The following TANC1 variants were observed in gnomAD, a reference collection of about 807,000 sequenced individuals.
The protein encoded by TANC1 is tetratricopeptide repeat, ankyrin repeat and coiled-coil containing 1.
A neutral mutation model predicts 149.7 loss-of-function variants in TANC1; 77 were observed. The observed-to-expected ratio is 0.51, with a 90% confidence interval of 0.43 to 0.62. TANC1 has a LOEUF of 0.62. TANC1 is among the 20% of genes least tolerant of loss of function. The pLI is 0.00. For missense variants in TANC1, 1,985 were observed against 2,321.8 expected, an observed-to-expected ratio of 0.85 and a Z score of 2.98; for synonymous variants, 854 against 925.0, an observed-to-expected ratio of 0.92 and a Z score of 1.39.
intron 4 of TANC1, among the ~76,000 whole-genome samples, chr2:159,098,981 G>C (rs945200948): frequency 3.9e-5 from 6 of 152,010 alleles, no homozygotes; most frequent in Non-Finnish European, 5.9e-5. Context: ...AATGGTATCT[G>C]TTTCTCTGAT....
In TANC1 at chr2:159,135,653, C is replaced by G. The variant is rs763192606; in HGVS notation, c.260-541C>G. On this transcript the variant is annotated intron_variant, in intron 4 of 26. Transcript: ENST00000263635. ...TGCTGTGCCCCGCACAGTTACTGTGCGTCACCAGCCAGATAAGATGCCTGT... is the reference window on the plus strand; with the variant it reads ...TGCTGTGCCCCGCACAGTTACTGTGGGTCACCAGCCAGATAAGATGCCTGT... Among the ~76,000 whole-genome samples, 3 of 152,352 alleles carry G rather than the reference C, an allele frequency of 2.0e-5. No homozygotes were observed. In the South Asian group the frequency reaches 6.2e-4, roughly 32 times the overall value.
chr2:159,050,336 C>A (rs2041378204), intron 2 of TANC1, among the ~76,000 whole-genome samples: 1 of 152,194 alleles, frequency 6.6e-6, no homozygotes, highest in African/African-American at 2.4e-5. Context: ...ATTCTCCTAC[C>A]TTGGCCTCCC....
At position 159,097,631 on chromosome 2, in the gene TANC1, C is replaced by T; in HGVS notation, c.62-6C>T. 6.2e-7 allele frequency: 1 copy of T among 1,610,220 alleles called. No homozygotes were observed. Among genetic ancestry groups the T allele is most frequent in the Non-Finnish European group, 8.5e-7 (1 of 1,176,548 alleles). Reference sequence around the variant, plus strand: ...GTTTAACCTAAGTATTCTCTCTCTACTCTAGGAAGTGACTTTGGTCCAGAG... The same window carrying T: ...GTTTAACCTAAGTATTCTCTCTCTATTCTAGGAAGTGACTTTGGTCCAGAG... On this transcript the variant is annotated splice_polypyrimidine_tract_variant and splice_region_variant and intron_variant, in intron 3 of 26. Transcript: ENST00000263635.
intron 23 of TANC1, chr2:159,225,295 G>A (rs901336379): frequency 7.7e-6 from 2 of 261,214 alleles, no homozygotes; most frequent in South Asian, 4.7e-5. Flanking sequence ...ATGACATCTC[G>A]GAGTACAGCA....
rs189732447 is a variant in TANC1, at chr2:159,081,127, C to T, written c.61+15156C>T. Among the ~76,000 whole-genome samples, 237 of 152,232 alleles carry T rather than the reference C, an allele frequency of 1.6e-3. 2 individuals carry two copies. Among genetic ancestry groups the T allele is most frequent in the African/African-American group, 5.5e-3 (227 of 41,534 alleles). ...TAACTGTATAAAGCCAGGCATTGCC[C>T]GTGAGCAGAGCTGGAACCAGAGCTT... On this transcript the variant is annotated intron_variant, in intron 3 of 26. Transcript: ENST00000263635.
chr2:159,135,010 T>C (rs1383197068), intron 4 of TANC1, among the ~76,000 whole-genome samples: 6 of 152,208 alleles, frequency 3.9e-5, no homozygotes, highest in Non-Finnish European at 8.8e-5. Context: ...TTTAAATATA[T>C]TCATAGAGTT....
At chr2:158,973,009 G>A (rs1339653027) in intron 1 of TANC1, among the ~76,000 whole-genome samples, 1 of 152,196 alleles carries the variant, frequency 6.6e-6, no homozygotes, top group East Asian at 1.9e-4. Flanking sequence ...CTGTGTTGCT[G>A]ATGGAACTTG....
intron 4 of TANC1, among the ~76,000 whole-genome samples, chr2:159,135,371 T>C (rs1323653045): frequency 6.6e-6 from 1 of 152,268 alleles, no homozygotes; most frequent in African/African-American, 2.4e-5. Context: ...ATGGCGTTAC[T>C]GTGAGCATTC....
rs762835518 is a variant in TANC1, at chr2:159,178,591, C to T, written c.1938C>T (p.Ser646=). Residue 646 remains serine (S), a synonymous_variant, in exon 14 of 27, where the codon TCC becomes TCT. Transcript: ENST00000263635. ...GTGCGCTGCCATTTGTCAAGCTTTC[C>T]TTAGATGACTTCCCAGACAACAAAG... ...IISALPFVKL[S]LDDFPDNKDI... is the part of the protein sequence containing the mutation. The T allele has an allele frequency of 6.2e-7, 1 of 1,600,192 alleles. No individual in the cohort carries two copies.
At chr2:158,970,835 C>T (rs75839640) in intron 1 of TANC1, among the ~76,000 whole-genome samples, 6,545 of 152,240 alleles carry the variant, frequency 0.043, 219 homozygotes, top group Non-Finnish European at 0.062. Context: ...ATGACCCTGT[C>T]TTGCACATGT....
intron 19 of TANC1, among the ~76,000 whole-genome samples, chr2:159,204,861 C>T: frequency 6.6e-6 from 1 of 152,254 alleles, no homozygotes; most frequent in East Asian, 1.9e-4. Flanking sequence ...CAGATTTTCT[C>T]CGCTGTGAAT....
At position 158,974,590 on chromosome 2, in the gene TANC1, G is replaced by A. The variant is rs1203613478; in HGVS notation, c.-126+5808G>A. Among the ~76,000 whole-genome samples, 5 of 151,550 alleles carry A rather than the reference G, an allele frequency of 3.3e-5. No individual in the cohort carries two copies. In the South Asian group the frequency reaches 8.4e-4, roughly 25 times the overall value. ...TGGGATTACAGGCATGTGCCACCAC[G>A]CCTGGCTAATTTTTGTGTTTTTAGT... On this transcript the variant is annotated intron_variant, in intron 1 of 26. Coordinates refer to ENST00000263635, the MANE Select transcript of TANC1 (RefSeq NM_033394.3).
intron 2 of TANC1, chr2:159,056,845 A>G (rs1270155762): frequency 5.9e-6 from 2 of 338,736 alleles, no homozygotes; most frequent in Admixed American, 2.7e-5. Flanking sequence ...ACATCCAGCC[A>G]TTGGCTTCAA....
chr2:159,170,761 G>C lies in TANC1; in HGVS notation c.1307G>C (p.Arg436Pro). Residue 436 changes from arginine (R) to proline (P), a missense_variant, in exon 10 of 27, where the codon CGC (arginine) becomes CCC (proline). Transcript: ENST00000263635. Reference sequence around the variant, plus strand: ...GTGGCCCTGAGCTGCCACGGAAGCCGCATGAGGCAGATTGCTTCCAACAGC... The same window carrying C: ...GTGGCCCTGAGCTGCCACGGAAGCCCCATGAGGCAGATTGCTTCCAACAGC... ...KLVALSCHGS[R>P]MRQIASNSPG... 5.0e-6 allele frequency: 8 copies of C among 1,614,196 alleles called. No individual in the cohort carries two copies. Among genetic ancestry groups the C allele is most frequent in the Non-Finnish European group, 6.8e-6 (8 of 1,180,024 alleles).
intron 20 of TANC1, 39 bp downstream of exon 20, chr2:159,217,669 T>C: frequency 6.2e-7 from 1 of 1,609,492 alleles, no homozygotes; most frequent in Non-Finnish European, 8.5e-7. Flanking sequence ...AAGCAATGAG[T>C]GGGGATGGAG....
At chr2:159,015,115 G>A (rs264614) in intron 2 of TANC1, among the ~76,000 whole-genome samples, 28,566 of 152,236 alleles carry the variant, frequency 0.19, 3,357 homozygotes, top group South Asian at 0.45. Flanking sequence ...GAGGTTCTCC[G>A]TGAGGGGTCT....
At chr2:159,068,627 TA>T (rs768069338) in intron 3 of TANC1, among the ~76,000 whole-genome samples, 11 of 152,200 alleles carry the variant, frequency 7.2e-5, no homozygotes, top group East Asian at 1.9e-4. Context: ...CATTTATCCC[TA>T]AAAAAAAGTT....
Position 159,215,196 on chromosome 2 carries a change from C to T in TANC1, c.3245-2301C>T, listed in dbSNP as rs538848908. 2.7e-4 allele frequency among the ~76,000 whole-genome samples: 41 copies of T among 152,310 alleles called. No homozygotes were observed. In the South Asian group the frequency reaches 3.9e-3, roughly 15 times the overall value. ...CAAGACCAGGACTGCCTGCTGCCCA[C>T]GCTTACTCCCTCACTTTCCGGTGAC... On this transcript the variant is annotated intron_variant, in intron 19 of 26. Coordinates refer to ENST00000263635, the MANE Select transcript of TANC1 (RefSeq NM_033394.3).
At chr2:159,126,769 A>C (rs2049493859) in intron 4 of TANC1, among the ~76,000 whole-genome samples, 1 of 152,262 alleles carries the variant, frequency 6.6e-6, no homozygotes, top group Non-Finnish European at 1.5e-5. Context: ...AGTGTTTTGA[A>C]ATAAAATTCA....
Sources: allele counts gnomAD v4.1 joint callset (sites outside exome capture counted in the v4.1 genomes callset), GRCh38; gene constraint gnomAD v4.1.1; transcripts MANE v1.5; gene names NCBI Gene and HGNC (gene_info 2026-07-23, HGNC 2026-07-21).